PPIL2: variants seen among roughly 807,000 people sequenced by gnomAD.
PPIL2 encodes the protein peptidylprolyl isomerase like 2.
In PPIL2, 50 loss-of-function variants were observed where a neutral mutation model predicts 75.2. The observed-to-expected ratio is 0.66, with a 90% CI of 0.53 to 0.84. The LOEUF (loss-of-function observed/expected upper bound fraction) is 0.84. Among genes scored for constraint, PPIL2 ranks in the 40% least tolerant of loss-of-function variants. The pLI is 0.00. For missense variants in PPIL2, 590 were observed against 685.0 expected, an observed-to-expected ratio of 0.86 and a Z score of 1.55; for synonymous variants, 245 against 258.8, an observed-to-expected ratio of 0.95 and a Z score of 0.51.
Position 21,696,769 on chromosome 22 carries a change from C to T in PPIL2, c.*1279C>T, listed in dbSNP as rs900702375. 2 of 1,545,078 alleles carry T rather than the reference C, an allele frequency of 1.3e-6. No individual in the cohort carries two copies. The highest frequency in any genetic ancestry group is 2.7e-5 in the African/African-American group (2 of 73,044). On this transcript the variant is annotated 3_prime_UTR_variant, in exon 20 of 20. Coordinates refer to ENST00000398831, the MANE Select transcript of PPIL2 (RefSeq NM_014337.4). The stretch of plus-strand genomic sequence containing the variant: ...CAGCAACTTGCAGGCTGTACCTCTG[C>T]CCTTCCTTTTCTCATCAATCACTGA...
Position 21,684,819 on chromosome 22 carries a change from C to A in PPIL2, c.620C>A (p.Thr207Asn), listed in dbSNP as rs760953235. 2.5e-6 allele frequency: 4 copies of A among 1,614,144 alleles called. No homozygotes were observed. The highest frequency in any genetic ancestry group is 3.4e-6 in the Non-Finnish European group (4 of 1,180,018). Reference sequence around the variant, plus strand: ...AATACAAATGCCGAGACCCGAGAGACCCTGCAGGAGCTCTACAAGGAGTTC... The same window carrying A: ...AATACAAATGCCGAGACCCGAGAGAACCTGCAGGAGCTCTACAAGGAGTTC... Reference protein sequence around the residue: ...LKNTNAETRETLQELYKEFKG... With the variant: ...LKNTNAETRENLQELYKEFKG... Residue 207 changes from threonine to asparagine, a missense_variant, in exon 10 of 20, where the codon ACC (threonine) becomes AAC (asparagine). By Grantham distance (65) the Thr-to-Asn change is moderately conservative. Transcript: ENST00000398831.
intron 13 of PPIL2, 34 bp downstream of exon 13, chr22:21,687,766 G>T: frequency 6.3e-7 from 1 of 1,586,390 alleles, no homozygotes; most frequent in Non-Finnish European, 8.7e-7. Context: ...GCACAGATGA[G>T]CTTGGTGGGA....
At chr22:21,681,474 C>A in intron 7 of PPIL2, 84 bp downstream of exon 7, 1 of 1,255,240 alleles carries the variant, frequency 8.0e-7, no homozygotes, top group Non-Finnish European at 1.2e-6. Context: ...GGGCTGTGTG[C>A]TACGTGTACG....
At chr22:21,688,897 T>A in intron 15 of PPIL2, 48 bp downstream of exon 15, 1 of 1,527,280 alleles carries the variant, frequency 6.5e-7, no homozygotes, top group Non-Finnish European at 9.1e-7. Context: ...GAGCCGGCAC[T>A]CTCTGCGGGT....
At chr22:21,689,219 A>G (rs1009566921) in intron 15 of PPIL2, among the ~76,000 whole-genome samples, 3 of 152,124 alleles carry the variant, frequency 2.0e-5, no homozygotes, top group Non-Finnish European at 4.4e-5. Context: ...GCCTGGAGAG[A>G]CACAGGAGGT....
At chr22:21,695,216 G>A (rs2067869081) in intron 19 of PPIL2, 146 bp downstream of exon 19, 2 of 1,358,994 alleles carry the variant, frequency 1.5e-6, no homozygotes, top group African/African-American at 1.5e-5. Context: ...GCAGCCGAGG[G>A]ACTGCCTCTG....
At chr22:21,692,205 G>A (rs866981924) in intron 15 of PPIL2, among the ~76,000 whole-genome samples, 1 of 151,750 alleles carries the variant, frequency 6.6e-6, no homozygotes, top group African/African-American at 2.4e-5. Flanking sequence ...CCCCAGGCTG[G>A]AGTGCAGCGG....
intron 5 of PPIL2, 132 bp downstream of exon 5, chr22:21,672,513 G>C (rs2066675242): frequency 1.5e-5 from 13 of 873,396 alleles, no homozygotes; most frequent in Non-Finnish European, 2.4e-5. Context: ...AGGAGGGACA[G>C]TCTTCCCCTC....
At chr22:21,670,951 G>A (rs1744678568) in intron 3 of PPIL2, 46 bp from the exon 4 acceptor site, 2 of 1,539,326 alleles carry the variant, frequency 1.3e-6, no homozygotes, top group African/African-American at 1.4e-5. Flanking sequence ...CCCACATCCT[G>A]ACCAGGGTGC....
intron 2 of PPIL2, chr22:21,670,178 C>T: frequency 1.1e-6 from 1 of 911,744 alleles, no homozygotes; most frequent in Non-Finnish European, 1.6e-6. Context: ...TTAAAATATT[C>T]CCCGATGCTG....
chr22:21,684,579 C>T (rs536808128), intron 9 of PPIL2, among the ~76,000 whole-genome samples, 174 bp from the exon 10 acceptor site: 3 of 151,976 alleles, frequency 2.0e-5, no homozygotes, highest in Admixed American at 2.0e-4. Context: ...TGTGAACTGC[C>T]TGGGGAGACC....
chr22:21,676,340 T>TGTGTGTGTGTGTG (rs1555894901), intron 6 of PPIL2, among the ~76,000 whole-genome samples: 4 of 151,000 alleles, frequency 2.6e-5, no homozygotes, highest in Non-Finnish European at 4.4e-5. Flanking sequence ...TGTGTGTGTG[T>TGTGTGTGTGTGTG]TATTGTTTAT....
At chr22:21,683,421 C>A (rs2067213404) in intron 9 of PPIL2, among the ~76,000 whole-genome samples, 164 bp downstream of exon 9, 1 of 152,130 alleles carries the variant, frequency 6.6e-6, no homozygotes, top group Admixed American at 6.5e-5. Flanking sequence ...CAACTGCAGC[C>A]TCAGAAACAA....
intron 6 of PPIL2, among the ~76,000 whole-genome samples, chr22:21,680,488 G>A (rs893205686): frequency 5.3e-5 from 8 of 151,984 alleles, no homozygotes; most frequent in Non-Finnish European, 1.0e-4. Context: ...CCGAGATCAC[G>A]CTACTGCACC....
At chr22:21,676,505 T>C (rs1037882623) in intron 6 of PPIL2, among the ~76,000 whole-genome samples, 2 of 151,770 alleles carry the variant, frequency 1.3e-5, no homozygotes, top group African/African-American at 4.8e-5. Flanking sequence ...CAGAGGACCC[T>C]GCGGCCTTCT....
chr22:21,694,050 G>A (rs2067801129), intron 16 of PPIL2, among the ~76,000 whole-genome samples, 178 bp downstream of exon 16: 2 of 152,198 alleles, frequency 1.3e-5, no homozygotes, highest in African/African-American at 4.8e-5. Flanking sequence ...TGCCAGGGAA[G>A]TCTGGCTCTC....
Position 21,686,332 on chromosome 22 carries a change from C to T in PPIL2, c.715-151C>T, listed in dbSNP as rs76053906. On this transcript the variant is annotated intron_variant, in intron 10 of 19. Transcript: ENST00000398831. ...TTGGCCTAGCCTTGGCTTCTTCCTC[C>T]TGCTGGTTGGGGAGGCCCTCCTGGA... 8.4e-3 allele frequency: 5,764 copies of T among 687,054 alleles called. 226 individuals carry two copies. The African/African-American group carries it at 0.088, about 11-fold the overall frequency. 42.6% of individuals were successfully genotyped at this position (687,054 alleles called of 1,614,324 possible). A position where few individuals can be genotyped will look rare whatever the true frequency, so the allele number is the denominator to read the frequency against.
rs543611077 is a variant in PPIL2, at chr22:21,688,267, TCA to T, written c.1021+162_1021+163del. Among the ~76,000 whole-genome samples the T allele has an allele frequency of 1.7e-3, 266 of 152,242 alleles. 1 individual carries two copies. Among genetic ancestry groups the T allele is most frequent in the African/African-American group, 6.0e-3 (249 of 41,544 alleles). ...TGCTGTGCCCCCTCAGGCCTGGCCC[TCA>T]GTTTTCTCATTTCCAGGTGGCTGTG... On this transcript the variant is annotated intron_variant, in intron 14 of 19. Transcript: ENST00000398831.
chr22:21,696,226 C>T lies in PPIL2; in HGVS notation c.*736C>T, dbSNP rs755294199. Reference sequence around the variant, plus strand: ...TTTCCTGCCGTGCCCTGCCTGAGCTCTCAGGGCCCTGCTCACCTGCTCTGG... The same window carrying T: ...TTTCCTGCCGTGCCCTGCCTGAGCTTTCAGGGCCCTGCTCACCTGCTCTGG... On this transcript the variant is annotated 3_prime_UTR_variant, in exon 20 of 20. Transcript: ENST00000398831. 12 of 1,009,550 alleles carry T rather than the reference C, an allele frequency of 1.2e-5. No individual in the cohort carries two copies. Among genetic ancestry groups the T allele is most frequent in the Non-Finnish European group, 1.4e-5 (12 of 843,758 alleles). The allele number at this position is 1,009,550 out of a possible 1,614,324, so 62.5% of individuals were successfully genotyped here. A position where few individuals can be genotyped will look rare whatever the true frequency, so the allele number is the denominator to read the frequency against.
Sources: gnomAD v4.1 joint callset for allele counts (sites outside exome capture counted in the v4.1 genomes callset) on GRCh38, gnomAD v4.1.1 for gene constraint, MANE v1.5 for transcripts, NCBI Gene and HGNC (gene_info 2026-07-23, HGNC 2026-07-21) for gene names.